SUPT3H: variants seen among roughly 807,000 people sequenced by gnomAD.
The protein encoded by SUPT3H is transcription initiation protein SPT3 homolog.
Under a neutral mutation model 44.3 loss-of-function variants are expected in SUPT3H, and 44 were observed. That is an observed-to-expected ratio of 0.99 (90% CI 0.78 to 1.28). The LOEUF (loss-of-function observed/expected upper bound fraction) is 1.28. Among genes scored for constraint, SUPT3H ranks in the 50% most tolerant of loss-of-function variants. SUPT3H has a pLI of 0.00. For missense variants in SUPT3H, 380 were observed against 387.1 expected (o/e 0.98, Z 0.15); for synonymous variants, 124 against 125.6 (o/e 0.99, Z 0.09).
intron 3 of SUPT3H, among the ~76,000 whole-genome samples, chr6:45,089,156 T>C (rs528830023): frequency 7.2e-5 from 11 of 152,032 alleles, no homozygotes; most frequent in Admixed American, 1.3e-4. Flanking sequence ...CCTATAACAT[T>C]TTCCTTTAGT....
intron 4 of SUPT3H, among the ~76,000 whole-genome samples, chr6:45,019,528 G>C (rs1467925633): frequency 2.6e-5 from 4 of 151,780 alleles, no homozygotes; most frequent in Non-Finnish European, 5.9e-5. Context: ...TAAAGTAACT[G>C]ATAATCCTTT....
At chr6:45,303,090 T>G (rs948706166) in intron 2 of SUPT3H, among the ~76,000 whole-genome samples, 18 of 152,142 alleles carry the variant, frequency 1.2e-4, no homozygotes, top group African/African-American at 4.1e-4. Context: ...AACTGGATCC[T>G]TATCTCTCAC....
At chr6:45,146,039 T>C (rs1281879244) in intron 2 of SUPT3H, among the ~76,000 whole-genome samples, 1 of 151,992 alleles carries the variant, frequency 6.6e-6, no homozygotes, top group Admixed American at 6.6e-5. Flanking sequence ...GTGGATGTGG[T>C]ATAAAGGGAA....
At chr6:45,021,375 A>C (rs1785111863) in intron 3 of SUPT3H, among the ~76,000 whole-genome samples, 1 of 151,962 alleles carries the variant, frequency 6.6e-6, no homozygotes, top group Non-Finnish European at 1.5e-5. Context: ...ATGGAAAATA[A>C]AAGAATGTGA....
chr6:45,292,749 T>C (rs1328196653), intron 2 of SUPT3H, among the ~76,000 whole-genome samples: 5 of 67,796 alleles, frequency 7.4e-5, no homozygotes, highest in Admixed American at 6.9e-4. Context: ...AGGGACATTA[T>C]ATAATGATAA....
intron 2 of SUPT3H, among the ~76,000 whole-genome samples, chr6:45,131,985 T>G (rs1339989414): frequency 6.6e-6 from 1 of 152,126 alleles, no homozygotes; most frequent in Non-Finnish European, 1.5e-5. Context: ...ATAATAAAGT[T>G]CAATTTATAA....
At chr6:44,835,776 C>T (rs1769752581) in intron 10 of SUPT3H, among the ~76,000 whole-genome samples, 1 of 152,100 alleles carries the variant, frequency 6.6e-6, no homozygotes, top group Admixed American at 6.6e-5. Context: ...TAGTAAAAAT[C>T]AGTTGTGCTT....
rs78657257 is a variant in SUPT3H, at chr6:45,023,170, A to T, written c.187-2538T>A. On this transcript the variant is annotated intron_variant, in intron 3 of 10. Coordinates refer to ENST00000371459, the MANE Select transcript of SUPT3H (RefSeq NM_003599.4). ...TGGCCAACAAGCATTTGAAAAAAAA[A>T]GCTCAGTAACACTGATCATTAAGAG... is the stretch of plus-strand genomic sequence containing the variant. 5.3e-5 allele frequency among the ~76,000 whole-genome samples: 8 copies of T among 152,174 alleles called. No individual in the cohort carries two copies. In the East Asian group the frequency reaches 1.5e-3, roughly 29 times the overall value.
At chr6:44,826,047 C>T (rs1561837915), downstream of SUPT3H, among the ~76,000 whole-genome samples, 1 of 152,172 alleles carries the variant, frequency 6.6e-6, no homozygotes, top group Non-Finnish European at 1.5e-5. Flanking sequence ...AAAACAAATG[C>T]AAGTCTCGTC....
At chr6:44,959,588 CTTTA>C (rs1191996798) in intron 7 of SUPT3H, among the ~76,000 whole-genome samples, 1 of 151,774 alleles carries the variant, frequency 6.6e-6, no homozygotes, top group Non-Finnish European at 1.5e-5. Context: ...ATAAATTATT[CTTTA>C]TGATTATGAG....
intron 2 of SUPT3H, among the ~76,000 whole-genome samples, chr6:45,307,721 T>A (rs1305955351): frequency 6.6e-6 from 1 of 152,192 alleles, no homozygotes; most frequent in Non-Finnish European, 1.5e-5. Flanking sequence ...CCTCTCCTCC[T>A]CTAAAGGAAC....
intron 2 of SUPT3H, among the ~76,000 whole-genome samples, chr6:45,178,561 G>T (rs868340868): frequency 6.6e-6 from 1 of 151,662 alleles, no homozygotes; most frequent in East Asian, 1.9e-4. Context: ...TGCACCAAGC[G>T]GACCTAATAG....
intron 2 of SUPT3H, among the ~76,000 whole-genome samples, chr6:45,201,442 G>A (rs1428511932): frequency 1.3e-5 from 2 of 151,744 alleles, no homozygotes; most frequent in Admixed American, 6.6e-5. Context: ...TATCTATAAT[G>A]AGAGTTAGTT....
chr6:44,995,387 A>G (rs1781139370), intron 6 of SUPT3H, among the ~76,000 whole-genome samples: 2 of 152,076 alleles, frequency 1.3e-5, no homozygotes, highest in Admixed American at 6.6e-5. Flanking sequence ...CTACCTCTTT[A>G]AACTGTCTTG....
At chr6:45,048,764 T>G (rs1789819884) in intron 3 of SUPT3H, among the ~76,000 whole-genome samples, 1 of 146,852 alleles carries the variant, frequency 6.8e-6, no homozygotes, top group African/African-American at 2.5e-5. Flanking sequence ...TAGAGGATAT[T>G]ATGTTAAGTG....
intron 2 of SUPT3H, among the ~76,000 whole-genome samples, chr6:45,200,819 T>A (rs923285672): frequency 6.6e-6 from 1 of 151,488 alleles, no homozygotes; most frequent in African/African-American, 2.4e-5. Flanking sequence ...AGAACAAATA[T>A]GTCAAATATT....
intron 2 of SUPT3H, among the ~76,000 whole-genome samples, chr6:45,264,564 G>T (rs1372273026): frequency 6.6e-6 from 1 of 152,130 alleles, no homozygotes; most frequent in African/African-American, 2.4e-5. Context: ...ATGAACATTG[G>T]TTATAAGGTT....
intron 2 of SUPT3H, among the ~76,000 whole-genome samples, chr6:45,339,628 C>T (rs1789342501): frequency 6.6e-6 from 1 of 151,972 alleles, no homozygotes; most frequent in Admixed American, 6.6e-5. Flanking sequence ...ACAGAGGATT[C>T]CATAAGATGA....
At chr6:44,954,437 G>T in intron 8 of SUPT3H, 58 bp downstream of exon 8, 1 of 1,180,658 alleles carries the variant, frequency 8.5e-7, no homozygotes, top group Non-Finnish European at 1.3e-6. Context: ...ATTGATCATG[G>T]GCAGAGATAA....
Sources: gnomAD v4.1 joint callset for allele counts (sites outside exome capture counted in the v4.1 genomes callset) on GRCh38, gnomAD v4.1.1 for gene constraint, MANE v1.5 for transcripts, NCBI Gene and HGNC (gene_info 2026-07-23, HGNC 2026-07-21) for gene names.